ATRNL1: variants seen among roughly 807,000 people sequenced by gnomAD.
ATRNL1 encodes the protein attractin-like protein 1.
In ATRNL1, 95 loss-of-function variants were observed where a neutral mutation model predicts 182.7. That is an observed-to-expected ratio of 0.52 (90% CI 0.44 to 0.62). The LOEUF (loss-of-function observed/expected upper bound fraction) is 0.62. Among genes scored for constraint, ATRNL1 ranks in the 20% least tolerant of loss-of-function variants. The probability of loss-of-function intolerance (pLI) is 0.00; values close to 1 mark genes in which losing one functional copy is unlikely to be tolerated. For synonymous variants in ATRNL1, 576 were observed against 568.3 expected (o/e 1.01, Z -0.19); for missense variants, 1,471 against 1,679.5 (o/e 0.88, Z 2.17).
chr10:115,337,759 T>C (rs1168992508), intron 19 of ATRNL1, among the ~76,000 whole-genome samples: 1 of 152,134 alleles, frequency 6.6e-6, no homozygotes, highest in African/African-American at 2.4e-5. Context: ...CCATAAAAAA[T>C]ATATACCACA....
Position 115,522,126 on chromosome 10 carries a change from G to C in ATRNL1, c.3716+2802G>C, listed in dbSNP as rs535735549. 3.3e-5 allele frequency among the ~76,000 whole-genome samples: 5 copies of C among 152,232 alleles called. No individual in the cohort carries two copies. The East Asian group carries it at 7.7e-4, about 24-fold the overall frequency. Reference sequence around the variant, plus strand: ...TCACTTACAGACATACCCTGGCTCTGTTCTTAATGTTTTATGCCATCTTAA... The same window carrying C: ...TCACTTACAGACATACCCTGGCTCTCTTCTTAATGTTTTATGCCATCTTAA... On this transcript the variant is annotated intron_variant, in intron 25 of 28. Transcript: ENST00000355044.
chr10:115,718,693 A>G (rs1593117651), intron 26 of ATRNL1, among the ~76,000 whole-genome samples: 2 of 152,290 alleles, frequency 1.3e-5, no homozygotes, highest in South Asian at 4.1e-4. Flanking sequence ...TAGAGTCCGT[A>G]TTTTCATTTT....
intron 24 of ATRNL1, among the ~76,000 whole-genome samples, chr10:115,493,448 G>T (rs536778163): frequency 6.6e-6 from 1 of 152,208 alleles, no homozygotes; most frequent in Non-Finnish European, 1.5e-5. Flanking sequence ...ACATGATTTT[G>T]TTCTTTTTAT....
intron 25 of ATRNL1, among the ~76,000 whole-genome samples, chr10:115,528,073 T>C (rs7098757): frequency 0.076 from 1,825 of 24,072 alleles, 145 homozygotes; most frequent in African/African-American, 0.15. Flanking sequence ...TTCCTTCCTT[T>C]CCCTTCTCAT....
chr10:115,329,004 A>G (rs1463307498), intron 18 of ATRNL1, among the ~76,000 whole-genome samples: 2 of 152,090 alleles, frequency 1.3e-5, no homozygotes, highest in Non-Finnish European at 2.9e-5. Context: ...TTGCTGGATC[A>G]TATAGTATTA....
intron 20 of ATRNL1, among the ~76,000 whole-genome samples, chr10:115,416,506 A>T (rs1363042960): frequency 2.0e-5 from 3 of 152,140 alleles, no homozygotes; most frequent in Non-Finnish European, 4.4e-5. Context: ...CTTGTATTGG[A>T]CACCTTCCAG....
intron 27 of ATRNL1, among the ~76,000 whole-genome samples, chr10:115,735,966 A>G (rs1387461860): frequency 2.6e-5 from 4 of 152,206 alleles, no homozygotes; most frequent in African/African-American, 9.7e-5. Context: ...TTTTCTCTCC[A>G]AAATCCCTGT....
At chr10:115,443,947 AT>A (rs1241045294) in intron 21 of ATRNL1, among the ~76,000 whole-genome samples, 3 of 152,124 alleles carry the variant, frequency 2.0e-5, no homozygotes, top group African/African-American at 7.2e-5. Context: ...AGTAGACTTA[AT>A]ATGTGGAGCA....
intron 21 of ATRNL1, among the ~76,000 whole-genome samples, chr10:115,451,997 C>A (rs1213151534): frequency 1.3e-5 from 2 of 152,028 alleles, no homozygotes; most frequent in East Asian, 3.9e-4. Flanking sequence ...CTTAGCAAAC[C>A]AATGCAGGTA....
chr10:115,816,040 C>T (rs894310521), intron 27 of ATRNL1, among the ~76,000 whole-genome samples: 1 of 152,078 alleles, frequency 6.6e-6, no homozygotes, highest in Admixed American at 6.6e-5. Context: ...AGTCTTAGGA[C>T]TAACCAAGAC....
chr10:115,151,122 T>G (rs1258075353), intron 5 of ATRNL1, among the ~76,000 whole-genome samples: 5 of 152,212 alleles, frequency 3.3e-5, no homozygotes, highest in African/African-American at 1.2e-4. Context: ...AGTCTATCAT[T>G]GATGGACATT....
intron 10 of ATRNL1, among the ~76,000 whole-genome samples, chr10:115,256,408 T>G (rs557306657): frequency 6.6e-5 from 10 of 152,326 alleles, no homozygotes; most frequent in African/African-American, 2.4e-4. Context: ...CTTTTAGATT[T>G]TCTAGTTTAT....
intron 21 of ATRNL1, among the ~76,000 whole-genome samples, chr10:115,442,686 C>T (rs550410565): frequency 1.3e-5 from 2 of 152,136 alleles, no homozygotes; most frequent in East Asian, 1.9e-4. Context: ...TTTGTAACAC[C>T]TATTCCAAAA....
At chr10:115,829,180 G>A (rs1318201912) in intron 27 of ATRNL1, among the ~76,000 whole-genome samples, 4 of 152,080 alleles carry the variant, frequency 2.6e-5, no homozygotes, top group Non-Finnish European at 4.4e-5. Context: ...AAAAAAAAAT[G>A]CACTGAATGA....
At chr10:115,565,838 G>A (rs1854044314) in intron 26 of ATRNL1, among the ~76,000 whole-genome samples, 1 of 151,844 alleles carries the variant, frequency 6.6e-6, no homozygotes, top group South Asian at 2.1e-4. Flanking sequence ...AGTATATTTT[G>A]TTCTTAAAAA....
chr10:115,813,244 T>C (rs1950088623), intron 27 of ATRNL1, among the ~76,000 whole-genome samples: 1 of 152,076 alleles, frequency 6.6e-6, no homozygotes, highest in African/African-American at 2.4e-5. Flanking sequence ...AATAATTAAA[T>C]TAAATTAAAT....
intron 26 of ATRNL1, among the ~76,000 whole-genome samples, chr10:115,556,285 T>C (rs1853311444): frequency 1.3e-5 from 2 of 152,144 alleles, no homozygotes; most frequent in Non-Finnish European, 2.9e-5. Context: ...ATATGATTAT[T>C]TAGATATAAT....
intron 25 of ATRNL1, among the ~76,000 whole-genome samples, chr10:115,524,434 A>G (rs1269869069): frequency 6.6e-6 from 1 of 152,218 alleles, no homozygotes; most frequent in Non-Finnish European, 1.5e-5. Flanking sequence ...TGTAAAATGG[A>G]AAAGTAGATG....
chr10:115,527,894 CCCTTCCTTCCTT>C (rs782069780), intron 25 of ATRNL1, among the ~76,000 whole-genome samples: 21 of 59,080 alleles, frequency 3.6e-4, no homozygotes, highest in African/African-American at 1.4e-3. Context: ...CTCCTTCCCT[CCCTTCCTTCCTT>C]CCTTCCTTCC....
Sources: allele counts gnomAD v4.1 joint callset (sites outside exome capture counted in the v4.1 genomes callset), GRCh38; gene constraint gnomAD v4.1.1; transcripts MANE v1.5; gene names NCBI Gene and HGNC (gene_info 2026-07-23, HGNC 2026-07-21).